The following TTLL6 variants were observed in gnomAD, a reference collection of about 807,000 sequenced individuals.
TTLL6 encodes the protein tubulin polyglutamylase TTLL6.
In TTLL6, 75 loss-of-function variants were observed where a neutral mutation model predicts 96.4. That is an observed-to-expected ratio of 0.78 (90% confidence interval 0.65 to 0.94). The LOEUF is 0.94. Ranked by LOEUF, TTLL6 falls within the 40% of genes least tolerant of loss-of-function variation. The pLI is 0.00. For synonymous variants in TTLL6, 411 were observed against 419.4 expected (o/e 0.98, Z 0.24); for missense variants, 1,030 against 1,093.0 (o/e 0.94, Z 0.81).
At chr17:48,786,066 T>C in intron 12 of TTLL6, 98 bp downstream of exon 12, 1 of 1,550,472 alleles carries the variant, frequency 6.4e-7, no homozygotes, top group Non-Finnish European at 8.8e-7. Context: ...TTTCGGTGTG[T>C]CTGGGCTCTG....
chr17:48,800,520 G>T (rs632824), intron 5 of TTLL6, among the ~76,000 whole-genome samples: 38,230 of 151,960 alleles, frequency 0.25, 5,884 homozygotes, highest in East Asian at 0.73. Flanking sequence ...CTTCTAATTT[G>T]CTGCTAAGCC....
intron 15 of TTLL6, 137 bp from the exon 16 acceptor site, chr17:48,763,110 A>G: frequency 2.9e-6 from 1 of 349,768 alleles, no homozygotes; most frequent in South Asian, 2.3e-5. Flanking sequence ...AGTCACCAGA[A>G]ACTCATTCTA....
chr17:48,809,377 C>A (rs2039548198), intron 1 of TTLL6, among the ~76,000 whole-genome samples: 2 of 152,200 alleles, frequency 1.3e-5, no homozygotes, highest in Non-Finnish European at 2.9e-5. Context: ...ACTCCCCTAG[C>A]CCTCCGCAAC....
intron 11 of TTLL6, among the ~76,000 whole-genome samples, chr17:48,786,726 C>T (rs1013856325): frequency 2.6e-5 from 4 of 152,002 alleles, no homozygotes; most frequent in Non-Finnish European, 5.9e-5. Flanking sequence ...CTGGGCCTGT[C>T]TAGCCAATGG....
intron 13 of TTLL6, among the ~76,000 whole-genome samples, chr17:48,782,253 G>T (rs1030655977): frequency 1.3e-5 from 2 of 151,728 alleles, no homozygotes; most frequent in African/African-American, 2.4e-5. Context: ...TTACAAGCGC[G>T]CACCACCACG....
intron 10 of TTLL6, 46 bp from the exon 11 acceptor site, chr17:48,788,045 C>T: frequency 6.3e-7 from 1 of 1,588,932 alleles, no homozygotes; most frequent in South Asian, 1.1e-5. Flanking sequence ...TTTCTTGGGA[C>T]AAAGCCTGGA....
intron 1 of TTLL6, among the ~76,000 whole-genome samples, chr17:48,816,629 A>G (rs1395559187): frequency 6.6e-6 from 1 of 152,226 alleles, no homozygotes; most frequent in Non-Finnish European, 1.5e-5. Flanking sequence ...GATGAAGAAA[A>G]TGACCCAATG....
chr17:48,802,078 AAAAGAAAGAAAGAAAGAAAGAAAGAAAG>A (rs139321404), intron 3 of TTLL6, among the ~76,000 whole-genome samples: 7,438 of 121,402 alleles, frequency 0.061, 331 homozygotes, highest in South Asian at 0.073. Context: ...GAAAGAAAGA[AAAAGAAAGAAAGAAAGAAAGAAAGAAAG>A]AAAGAAAGAA....
rs573153702 is a variant in TTLL6, at chr17:48,788,681, A to T, written c.1401-682T>A. ...GGCAGACTCACTGGGCTCTGGGTCCAGAGCTGTCATTTACCAGCAGGGTGA... is the reference window on the plus strand; with the variant it reads ...GGCAGACTCACTGGGCTCTGGGTCCTGAGCTGTCATTTACCAGCAGGGTGA... On this transcript the variant is annotated intron_variant, in intron 10 of 15. Coordinates refer to ENST00000393382, the MANE Select transcript of TTLL6 (RefSeq NM_001130918.3). 3.3e-5 allele frequency among the ~76,000 whole-genome samples: 5 copies of T among 152,318 alleles called. No individual in the cohort carries two copies. In the South Asian group the frequency reaches 1.0e-3, roughly 32 times the overall value.
At chr17:48,765,214 T>C (rs4793984) in intron 15 of TTLL6, among the ~76,000 whole-genome samples, 42,532 of 151,956 alleles carry the variant, frequency 0.28, 7,070 homozygotes, top group South Asian at 0.39. Flanking sequence ...GAGTTCAAGA[T>C]GAGCCTGGGC....
intron 13 of TTLL6, among the ~76,000 whole-genome samples, chr17:48,774,096 C>CAAA (rs1286139436): frequency 4.5e-5 from 2 of 44,252 alleles, no homozygotes; most frequent in African/African-American, 7.8e-5. Context: ...AAAAACAAAA[C>CAAA]AAAAAAAAAA....
intron 11 of TTLL6, among the ~76,000 whole-genome samples, chr17:48,787,401 T>A (rs2039121886): frequency 6.6e-6 from 1 of 152,080 alleles, no homozygotes; most frequent in South Asian, 2.1e-4. Context: ...CTTTTTTTGC[T>A]TTTCTTTGAG....
At chr17:48,810,807 C>A (rs1441335598) in intron 1 of TTLL6, among the ~76,000 whole-genome samples, 1 of 53,446 alleles carries the variant, frequency 1.9e-5, no homozygotes. Context: ...CATATATACA[C>A]ATATATAGTA....
intron 12 of TTLL6, 92 bp from the exon 13 acceptor site, chr17:48,785,293 G>A: frequency 1.3e-6 from 2 of 1,561,554 alleles, no homozygotes; most frequent in Non-Finnish European, 1.7e-6. Flanking sequence ...GTGAAAAAGA[G>A]ATGAGGAGAA....
rs753077737 is a variant in TTLL6 at position 48,774,230 on chromosome 17, G to GTTTTTTTTTTT, written c.2041-4134_2041-4133insAAAAAAAAAAA. ...CTCAATGAAACCAAAATCCAGGTTT[G>GTTTTTTTTTTT]TTGTTTTTTTTTTTTTTTTTTTGAG... On this transcript the variant is annotated intron_variant, in intron 13 of 15. Transcript: ENST00000393382. Among the ~76,000 whole-genome samples the GTTTTTTTTTTT allele has an allele frequency of 9.3e-5, 11 of 117,740 alleles. 1 individual carries two copies. The highest frequency in any genetic ancestry group is 2.2e-4 in the African/African-American group (7 of 32,526). 77.2% of individuals were successfully genotyped at this position (117,740 alleles called of 152,430 possible).
rs3959442 is a variant in TTLL6 at position 48,817,015 on chromosome 17, A to C, written c.58T>G (p.Trp20Gly). The C allele has an allele frequency of 0.28, 437,009 of 1,541,572 alleles. 63,666 individuals carry two copies. The highest frequency in any genetic ancestry group is 0.41 in the Admixed American group (20,278 of 49,998). The change falls in exon 1 of 16, where the codon TGG becomes GGG. Residue 20 changes from tryptophan (W) to glycine (G), a missense_variant. By Grantham distance (184) the Trp-to-Gly change is radical. Transcript: ENST00000393382. The stretch of plus-strand genomic sequence containing the variant: ...TCTCGCCCCGCTGGGCTGCTAGTCC[A>C]GCTTGCAACCACACCTGCCGGCCCC... Reference protein sequence around the residue: ...RRGPAGVVASWTSSPAGRDGG... With the variant: ...RRGPAGVVASGTSSPAGRDGG...
At chr17:48,802,148 A>AAGAAAG (rs2143448961) in intron 3 of TTLL6, among the ~76,000 whole-genome samples, 1 of 144,262 alleles carries the variant, frequency 6.9e-6, no homozygotes, top group East Asian at 2.0e-4. Flanking sequence ...GAAAGAAAGA[A>AAGAAAG]AGAAAATAAA....
intron 13 of TTLL6, among the ~76,000 whole-genome samples, chr17:48,773,883 G>GACC (rs1453166692): frequency 6.6e-6 from 1 of 150,858 alleles, no homozygotes. Context: ...GGGAGTTCAA[G>GACC]ACCAGCCTGA....
chr17:48,782,105 C>CT (rs34486928), intron 13 of TTLL6, among the ~76,000 whole-genome samples: 3,505 of 122,574 alleles, frequency 0.029, 154 homozygotes, highest in African/African-American at 0.087. Flanking sequence ...TTTTTCTTTT[C>CT]TTTTTTTTTT....
Sources: allele counts gnomAD v4.1 joint callset (sites outside exome capture counted in the v4.1 genomes callset), GRCh38; gene constraint gnomAD v4.1.1; transcripts MANE v1.5; gene names NCBI Gene and HGNC (gene_info 2026-07-23, HGNC 2026-07-21).